Variants in VWF observed in about 807,000 individuals in gnomAD.
VWF encodes the protein Factor VIII related antigen.
A neutral mutation model predicts 308.6 loss-of-function variants in VWF; 176 were observed. The observed-to-expected ratio is 0.57, with a 90% confidence interval of 0.50 to 0.65. The LOEUF (loss-of-function observed/expected upper bound fraction) is 0.65. Among genes scored for constraint, VWF ranks in the 30% least tolerant of loss-of-function variants. The probability of loss-of-function intolerance (pLI) is 0.00; values close to 1 mark genes in which losing one functional copy is unlikely to be tolerated. For missense variants in VWF, 3,146 were observed against 3,648.2 expected, an observed-to-expected ratio of 0.86 and a Z score of 3.55; for synonymous variants, 1,385 against 1,443.4, an observed-to-expected ratio of 0.96 and a Z score of 0.92.
intron 37 of VWF, among the ~76,000 whole-genome samples, chr12:5,992,911 C>T (rs1402823121): frequency 6.6e-6 from 1 of 152,236 alleles, no homozygotes; most frequent in Non-Finnish European, 1.5e-5. Context: ...CCTTGATTTG[C>T]AGGCTGATTG....
At position 6,016,528 on chromosome 12, in the gene VWF, G is replaced by A. The variant is rs1944059176; in HGVS notation, c.5299C>T (p.Pro1767Ser). ...GCACCAACGTTACCGATTTGGCTGG[G>A]GCCTCCCTCCCGCTGCATGACGTCC... ...LVDVMQREGG[P>S]SQIGDALGFA... The change falls in exon 30 of 52, where the codon CCC (proline) becomes TCC (serine). Residue 1767 changes from proline to serine, a missense_variant. Pro to Ser is a moderately conservative substitution (Grantham distance 74). Around this residue, in one of 3 missense-constraint regions of VWF, gnomAD observed 853 missense variants for 1,177.8 expected, o/e 0.72. Transcript: ENST00000261405. 1 of 1,613,980 alleles carries A rather than the reference G, an allele frequency of 6.2e-7. No individual in the cohort carries two copies. The highest frequency in any genetic ancestry group is 8.5e-7 in the Non-Finnish European group (1 of 1,180,018).
chr12:6,042,275 C>T (rs1037784386), intron 18 of VWF, among the ~76,000 whole-genome samples: 3 of 152,106 alleles, frequency 2.0e-5, no homozygotes, highest in Admixed American at 6.5e-5. Flanking sequence ...ATGCAGAATC[C>T]GTGACCCCTT....
chr12:6,114,673 T>A (rs1188195103), intron 3 of VWF, among the ~76,000 whole-genome samples: 1 of 152,090 alleles, frequency 6.6e-6, no homozygotes, highest in African/African-American at 2.4e-5. Context: ...GTTTTAAGTA[T>A]GTCAAGGGCT....
chr12:6,092,074 T>C (rs918426734), intron 6 of VWF, among the ~76,000 whole-genome samples: 9 of 152,148 alleles, frequency 5.9e-5, no homozygotes, highest in African/African-American at 2.2e-4. Flanking sequence ...ATCATGACCA[T>C]GGTCCTGGGT....
At chr12:6,039,966 A>G (rs950770686) in intron 18 of VWF, among the ~76,000 whole-genome samples, 2 of 152,156 alleles carry the variant, frequency 1.3e-5, no homozygotes, top group Admixed American at 1.3e-4. Flanking sequence ...AGTGTTTCAG[A>G]TTACAGGAGC....
In VWF at chr12:6,052,775, A is replaced by C. The variant is rs1293661861; in HGVS notation, c.1954T>G (p.Cys652Gly). ...WREPGRCELN[C>G]PKGQVYLQCG... ...TGCAGGTACACCTGGCCTTTCGGGC[A>C]GTTCAGCTCTAGAAGAGAGAGGAGA... is the stretch of plus-strand genomic sequence containing the variant. Residue 652 changes from cysteine (C) to glycine (G), a missense_variant, in exon 16 of 52, where the codon TGC (cysteine) becomes GGC (glycine). This residue lies in a region of VWF where 1,304 missense variants were observed against 1,353.0 expected (regional missense o/e 0.96). Transcript: ENST00000261405. 6.3e-7 allele frequency: 1 copy of C among 1,588,196 alleles called. No homozygotes were observed. The highest frequency in any genetic ancestry group is 8.5e-7 in the Non-Finnish European group (1 of 1,172,176).
At position 6,052,526 on chromosome 12, in the gene VWF, C is replaced by T; in HGVS notation, c.2186+17G>A. 2 of 1,614,236 alleles carry T rather than the reference C, an allele frequency of 1.2e-6. No individual in the cohort carries two copies. Among genetic ancestry groups the T allele is most frequent in the Non-Finnish European group, 1.7e-6 (2 of 1,180,048 alleles). On this transcript the variant is annotated intron_variant, in intron 16 of 51. Transcript: ENST00000261405. The stretch of plus-strand genomic sequence containing the variant: ...TCTGCTGTTTTAGAGGTCCCTGACA[C>T]TGCTGCCTGCACTTACCACATGGTG...
At chr12:6,118,205 A>T (rs939588486) in intron 3 of VWF, among the ~76,000 whole-genome samples, 2 of 151,974 alleles carry the variant, frequency 1.3e-5, no homozygotes, top group African/African-American at 2.4e-5. Flanking sequence ...AGCCCAGAAC[A>T]TGAACTCTGT....
At chr12:5,950,613 T>C (rs916845387) in intron 50 of VWF, among the ~76,000 whole-genome samples, 5 of 151,920 alleles carry the variant, frequency 3.3e-5, no homozygotes, top group African/African-American at 1.2e-4. Flanking sequence ...AATTTCTAGA[T>C]AATTTCATTG....
At chr12:6,092,024 G>T (rs1465598144) in intron 6 of VWF, among the ~76,000 whole-genome samples, 1 of 152,168 alleles carries the variant, frequency 6.6e-6, no homozygotes, top group Non-Finnish European at 1.5e-5. Flanking sequence ...CTGCAGAGTG[G>T]CCCATGCCCA....
At chr12:6,035,897 T>A (rs1384533385) in intron 19 of VWF, among the ~76,000 whole-genome samples, 1 of 152,230 alleles carries the variant, frequency 6.6e-6, no homozygotes, top group Non-Finnish European at 1.5e-5. Context: ...GGTGACACCT[T>A]TACTTTCTGA....
In VWF at chr12:6,049,347, G is replaced by A. The variant is rs530498657; in HGVS notation, c.2187-2530C>T. Among the ~76,000 whole-genome samples, 124 of 152,302 alleles carry A rather than the reference G, an allele frequency of 8.1e-4. 2 individuals carry two copies. The South Asian group carries it at 0.025, about 31-fold the overall frequency. The stretch of plus-strand genomic sequence containing the variant: ...ACAAGGAGGACGCAGACATGGAGAG[G>A]TCGCTGATGTCAAACCCTAAAAAGA... On this transcript the variant is annotated intron_variant, in intron 16 of 51. Coordinates refer to ENST00000261405, the MANE Select transcript of VWF (RefSeq NM_000552.5).
At position 6,072,445 on chromosome 12, in the gene VWF, G is replaced by A; in HGVS notation, c.998-3C>T. 1 of 1,613,154 alleles carries A rather than the reference G, an allele frequency of 6.2e-7. No individual in the cohort carries two copies. Among genetic ancestry groups the A allele is most frequent in the Non-Finnish European group, 8.5e-7 (1 of 1,179,318 alleles). On this transcript the variant is annotated splice_polypyrimidine_tract_variant and splice_region_variant and intron_variant, in intron 8 of 51. Coordinates refer to ENST00000261405, the MANE Select transcript of VWF (RefSeq NM_000552.5). ...GCCTTCATCCAGGAGCTGTCCCTCT[G>A]GGGTCAAGGGCATCAAGACAAAGGC...
rs551070605 is a variant in VWF, at chr12:6,114,031, T to C, written c.221-3063A>G. On this transcript the variant is annotated intron_variant, in intron 3 of 51. Transcript: ENST00000261405. ...CTGAGCCTGTCTCCCCATCAGTGAA[T>C]CCTCCTTTCATCCCATCTCACAGGG... Among the ~76,000 whole-genome samples, 46 of 152,310 alleles carry C rather than the reference T, an allele frequency of 3.0e-4. No individual in the cohort carries two copies. In the South Asian group the frequency reaches 8.7e-3, roughly 29 times the overall value.
chr12:5,993,649 GTA>G (rs538196657), intron 37 of VWF, among the ~76,000 whole-genome samples: 80 of 138,542 alleles, frequency 5.8e-4, no homozygotes, highest in Middle Eastern at 3.6e-3. Context: ...GTGTGTGTGT[GTA>G]TATATATATA....
chr12:6,074,995 G>A (rs1163220813), intron 7 of VWF, among the ~76,000 whole-genome samples: 1 of 151,388 alleles, frequency 6.6e-6, no homozygotes, highest in Non-Finnish European at 1.5e-5. Context: ...AGGCGGTGAA[G>A]ACAAAAACCA....
chr12:6,006,346 CA>C (rs1346948948), intron 34 of VWF, among the ~76,000 whole-genome samples: 4 of 151,950 alleles, frequency 2.6e-5, no homozygotes, highest in Non-Finnish European at 1.5e-5. Flanking sequence ...AAAAGAGGGA[CA>C]AAAAAGCTAC....
chr12:6,111,967 A>C (rs186190467), intron 3 of VWF, among the ~76,000 whole-genome samples: 1 of 152,116 alleles, frequency 6.6e-6, no homozygotes, highest in African/African-American at 2.4e-5. Flanking sequence ...CAAAAAAAAT[A>C]AAAAATAAAA....
At chr12:5,950,148 G>A (rs1943167447) in intron 50 of VWF, among the ~76,000 whole-genome samples, 2 of 152,212 alleles carry the variant, frequency 1.3e-5, no homozygotes, top group South Asian at 2.1e-4. Context: ...GTGCTATGGT[G>A]ATGTAAAATG....
Sources: allele counts gnomAD v4.1 joint callset (sites outside exome capture counted in the v4.1 genomes callset), GRCh38; gene constraint gnomAD v4.1.1; regional missense constraint gnomAD v4.1.1; transcripts MANE v1.5; gene names NCBI Gene and HGNC (gene_info 2026-07-23, HGNC 2026-07-21).